The following GNAL variants were observed in gnomAD, a reference collection of about 807,000 sequenced individuals.
The protein encoded by GNAL is guanine nucleotide-binding protein G(olf) subunit alpha.
In GNAL, 18 loss-of-function variants were observed where a neutral mutation model predicts 55.1. The ratio of observed to expected loss-of-function variants is 0.33; its 90% CI spans 0.23 to 0.48. GNAL has a LOEUF of 0.48. GNAL is among the 20% of genes least tolerant of loss of function. The probability of loss-of-function intolerance (pLI) is 0.99; values close to 1 mark genes in which losing one functional copy is unlikely to be tolerated. For missense variants in GNAL, 412 were observed against 614.1 expected, an observed-to-expected ratio of 0.67 and a Z score of 3.48; for synonymous variants, 253 against 237.0, an observed-to-expected ratio of 1.07 and a Z score of -0.62.
intron 5 of GNAL, chr18:11,851,542 C>T (rs1184180093): frequency 1.2e-6 from 2 of 1,606,154 alleles, no homozygotes; most frequent in Admixed American, 1.7e-5. Context: ...CCTGTTCAAC[C>T]TGAAGTTCGC....
intron 4 of GNAL, among the ~76,000 whole-genome samples, chr18:11,799,229 C>T (rs1475641173): frequency 2.0e-5 from 3 of 152,098 alleles, no homozygotes; most frequent in Non-Finnish European, 4.4e-5. Flanking sequence ...GCCACAGGGA[C>T]AGTCTGTCCC....
At chr18:11,857,676 A>C (rs563008107) in intron 5 of GNAL, 1 of 985,382 alleles carries the variant, frequency 1.0e-6, no homozygotes, top group Non-Finnish European at 1.2e-6. Context: ...ATGCTGACGC[A>C]GTGGGTCTGC....
chr18:11,884,632 A>G lies in GNAL; in HGVS notation c.*3497A>G, dbSNP rs1433828897. 1 of 1,612,902 alleles carries G rather than the reference A, an allele frequency of 6.2e-7. No individual in the cohort carries two copies. Among genetic ancestry groups the G allele is most frequent in the Non-Finnish European group, 8.5e-7 (1 of 1,179,378 alleles). On this transcript the variant is annotated 3_prime_UTR_variant, in exon 12 of 12. Coordinates refer to ENST00000334049, the MANE Select transcript of GNAL (RefSeq NM_182978.4). ...GTCTGTGGGCGTGATGCTACCCTGG[A>G]AAGGAGAAGGGAAAGTTATGCTGAG...
chr18:11,765,267 T>C (rs551825434), intron 4 of GNAL, among the ~76,000 whole-genome samples: 1 of 152,302 alleles, frequency 6.6e-6, no homozygotes, highest in Non-Finnish European at 1.5e-5. Context: ...GGCAACTTTT[T>C]TTGGTTTTTA....
At position 11,715,296 on chromosome 18, in the gene GNAL, A is replaced by G. The variant is rs527672291; in HGVS notation, c.376+25357A>G. On this transcript the variant is annotated intron_variant, in intron 1 of 11. Transcript: ENST00000334049. Reference sequence around the variant, plus strand: ...AACACGGTGAAACCCTGTCTCTACTAAAAAAATACAAAAAATTAGCCAGGC... The same window carrying G: ...AACACGGTGAAACCCTGTCTCTACTGAAAAAATACAAAAAATTAGCCAGGC... Among the ~76,000 whole-genome samples the G allele has an allele frequency of 6.0e-5, 9 of 149,754 alleles. No individual in the cohort carries two copies. The East Asian group carries it at 1.6e-3, about 26-fold the overall frequency.
At chr18:11,754,641 A>G (rs1244333775) in intron 4 of GNAL, among the ~76,000 whole-genome samples, 1 of 152,192 alleles carries the variant, frequency 6.6e-6, no homozygotes, top group Non-Finnish European at 1.5e-5. Context: ...CTTCCATGGG[A>G]ATTACAGAAA....
chr18:11,873,059 T>C (rs556800812), intron 10 of GNAL, among the ~76,000 whole-genome samples: 1 of 152,116 alleles, frequency 6.6e-6, no homozygotes, highest in Admixed American at 6.5e-5. Context: ...CCAGGAAGAG[T>C]TGGTCACTCC....
chr18:11,855,257 T>A (rs1382371018), intron 5 of GNAL, among the ~76,000 whole-genome samples: 1 of 152,012 alleles, frequency 6.6e-6, no homozygotes, highest in Non-Finnish European at 1.5e-5. Context: ...TTCTTCACTG[T>A]AATTGTTTCT....
intron 4 of GNAL, among the ~76,000 whole-genome samples, chr18:11,806,712 C>T (rs1272719652): frequency 1.3e-5 from 2 of 150,176 alleles, no homozygotes; most frequent in African/African-American, 4.9e-5. Context: ...CAAGGGCCTT[C>T]TCAATATTGT....
chr18:11,861,709 A>C (rs896849373), intron 5 of GNAL, among the ~76,000 whole-genome samples: 4 of 152,158 alleles, frequency 2.6e-5, no homozygotes, highest in Non-Finnish European at 5.9e-5. Flanking sequence ...GTCATCACCC[A>C]AGAGCGGCGC....
chr18:11,817,899 G>GT (rs1274443562), intron 4 of GNAL, among the ~76,000 whole-genome samples: 1 of 151,176 alleles, frequency 6.6e-6, no homozygotes, highest in Non-Finnish European at 1.5e-5. Flanking sequence ...CATTTGTGAA[G>GT]TTTTTTTTAA....
At chr18:11,862,593 G>A in intron 6 of GNAL, 144 bp downstream of exon 6, 1 of 657,414 alleles carries the variant, frequency 1.5e-6, no homozygotes, top group Non-Finnish European at 2.7e-6. Flanking sequence ...CCCTGTGTGT[G>A]TGCGTGGATT....
rs1263380689 is a variant in GNAL, at chr18:11,751,751, G to A, written c.377-1102G>A. ...GGGCTCCGTGGGGGGTCAGCTCCCT[G>A]ACCCCTACAGCGCGGTAGCGCCTCT... On this transcript the variant is annotated intron_variant, in intron 1 of 11. Coordinates refer to ENST00000334049, the MANE Select transcript of GNAL (RefSeq NM_182978.4). The surrounding 1 kb of genome is among the most constrained non-coding windows in gnomAD (Gnocchi z 4.5). 3 of 714,902 alleles carry A rather than the reference G, an allele frequency of 4.2e-6. No homozygotes were observed. The highest frequency in any genetic ancestry group is 5.2e-6 in the Non-Finnish European group (3 of 582,388). 44.3% of individuals were successfully genotyped at this position (714,902 alleles called of 1,614,324 possible).
At chr18:11,748,275 G>C (rs1234333656) in intron 1 of GNAL, among the ~76,000 whole-genome samples, 1 of 152,198 alleles carries the variant, frequency 6.6e-6, no homozygotes, top group East Asian at 1.9e-4. Flanking sequence ...ACACAATGCA[G>C]GTAATAGTGC....
At chr18:11,818,741 A>G (rs540395947) in intron 4 of GNAL, among the ~76,000 whole-genome samples, 5 of 152,382 alleles carry the variant, frequency 3.3e-5, no homozygotes, top group South Asian at 2.1e-4. Context: ...GCTTTCACAC[A>G]GTGAACTCAG....
chr18:11,856,967 C>T (rs556455832), intron 5 of GNAL, among the ~76,000 whole-genome samples: 79 of 152,258 alleles, frequency 5.2e-4, no homozygotes, highest in Admixed American at 1.1e-3. Flanking sequence ...AATTTAAAAA[C>T]GTTTTAAATG....
rs73947605 is a variant in GNAL, at chr18:11,742,562, G to A, written c.377-10291G>A. 9.6e-3 allele frequency among the ~76,000 whole-genome samples: 1,469 copies of A among 152,348 alleles called. 19 individuals are homozygous for A. The highest frequency in any genetic ancestry group is 0.034 in the African/African-American group (1,408 of 41,586). ...GGGCTGCCTCTTAAGAAAAGTTTCC[G>A]TGCCAAGAACACGCATTCTGGGGCT... is the stretch of plus-strand genomic sequence containing the variant. On this transcript the variant is annotated intron_variant, in intron 1 of 11. Coordinates refer to ENST00000334049, the MANE Select transcript of GNAL (RefSeq NM_182978.4).
intron 5 of GNAL, among the ~76,000 whole-genome samples, chr18:11,847,137 A>G (rs935705634): frequency 6.6e-6 from 1 of 152,004 alleles, no homozygotes; most frequent in Non-Finnish European, 1.5e-5. Context: ...TCCTACATTC[A>G]ACAGAAATTT....
chr18:11,750,199 G>A (rs991803734), intron 1 of GNAL, among the ~76,000 whole-genome samples: 1 of 152,202 alleles, frequency 6.6e-6, no homozygotes, highest in East Asian at 1.9e-4. Flanking sequence ...AACTCCCACC[G>A]TTCTGGTTTG....
Sources: gnomAD v4.1 joint callset for allele counts (sites outside exome capture counted in the v4.1 genomes callset) on GRCh38, gnomAD v4.1.1 for gene constraint, Gnocchi (gnomAD v3.1) non-coding constraint, MANE v1.5 for transcripts, NCBI Gene and HGNC (gene_info 2026-07-23, HGNC 2026-07-21) for gene names.